MAST4: variants seen among roughly 807,000 people sequenced by gnomAD.
MAST4 encodes the protein microtubule-associated serine/threonine-protein kinase 4.
In MAST4, 89 loss-of-function variants were observed where a neutral mutation model predicts 162.7. The observed-to-expected ratio is 0.55, with a 90% CI of 0.46 to 0.65. The LOEUF (loss-of-function observed/expected upper bound fraction) is 0.65, where lower values mean the gene tolerates loss of function less well. Among genes scored for constraint, MAST4 ranks in the 30% least tolerant of loss-of-function variants. MAST4 has a pLI of 0.00. For synonymous variants in MAST4, 1,479 were observed against 1,361.1 expected (o/e 1.09, Z -1.91); for missense variants, 3,153 against 3,374.0 (o/e 0.93, Z 1.62).
chr5:66,987,688 C>T (rs1219263413), intron 4 of MAST4, among the ~76,000 whole-genome samples: 6 of 151,764 alleles, frequency 4.0e-5, no homozygotes, highest in East Asian at 3.9e-4. Flanking sequence ...TATTTCAAGC[C>T]GTACAGATCA....
chr5:66,649,900 T>C (rs189011092), intron 1 of MAST4, among the ~76,000 whole-genome samples: 12 of 152,280 alleles, frequency 7.9e-5, no homozygotes, highest in African/African-American at 2.6e-4. Context: ...CATACACTGC[T>C]ATTTGGGGCA....
intron 1 of MAST4, among the ~76,000 whole-genome samples, chr5:66,691,958 A>T (rs148766621): frequency 4.6e-5 from 7 of 152,084 alleles, no homozygotes; most frequent in Non-Finnish European, 1.0e-4. Context: ...TTTTATTTTG[A>T]TTCTCCCCAG....
chr5:66,724,263 A>C (rs1483161589), intron 1 of MAST4, among the ~76,000 whole-genome samples: 5 of 152,138 alleles, frequency 3.3e-5, no homozygotes, highest in Admixed American at 2.0e-4. Context: ...GTTGATTTAA[A>C]AATACACTTA....
At chr5:67,161,460 T>C (rs1278878008) in intron 27 of MAST4, among the ~76,000 whole-genome samples, 1 of 152,054 alleles carries the variant, frequency 6.6e-6, no homozygotes, top group Non-Finnish European at 1.5e-5. Flanking sequence ...TTGGGAAGAA[T>C]AGAAAAGGGG....
At chr5:66,831,087 G>A (rs1453806015) in intron 3 of MAST4, among the ~76,000 whole-genome samples, 2 of 151,980 alleles carry the variant, frequency 1.3e-5, no homozygotes, top group Non-Finnish European at 1.5e-5. Flanking sequence ...TAAAGTTAAG[G>A]GTCATATAAT....
intron 1 of MAST4, among the ~76,000 whole-genome samples, chr5:66,607,090 A>G (rs1221366559): frequency 6.6e-6 from 1 of 152,154 alleles, no homozygotes; most frequent in Non-Finnish European, 1.5e-5. Flanking sequence ...CATACAAGTG[A>G]GGAGGAGAAT....
At chr5:66,883,277 T>C (rs935747681) in intron 3 of MAST4, among the ~76,000 whole-genome samples, 1 of 152,178 alleles carries the variant, frequency 6.6e-6, no homozygotes, top group Admixed American at 6.5e-5. Context: ...AGCAGTGGTC[T>C]CTTGTGATTA....
At chr5:66,716,325 TC>T (rs1750834804) in intron 1 of MAST4, among the ~76,000 whole-genome samples, 3 of 146,932 alleles carry the variant, frequency 2.0e-5, no homozygotes, top group Admixed American at 6.6e-5. Flanking sequence ...TTAGATTTGA[TC>T]TCTCTCTCTA....
At chr5:66,836,003 C>G (rs1757941623) in intron 3 of MAST4, among the ~76,000 whole-genome samples, 1 of 151,864 alleles carries the variant, frequency 6.6e-6, no homozygotes, top group African/African-American at 2.4e-5. Context: ...AAACTTGTCT[C>G]TATAAAAAAA....
chr5:67,098,857 G>A (rs1482911175), intron 7 of MAST4, among the ~76,000 whole-genome samples: 1 of 152,152 alleles, frequency 6.6e-6, no homozygotes, highest in Non-Finnish European at 1.5e-5. Context: ...ACCAGCAACA[G>A]TGGGGCCAGC....
intron 4 of MAST4, among the ~76,000 whole-genome samples, chr5:66,987,161 T>C (rs759517535): frequency 3.3e-5 from 5 of 152,220 alleles, no homozygotes; most frequent in Non-Finnish European, 7.3e-5. Flanking sequence ...GTAAAGTTTA[T>C]GTGAAAGAAA....
At chr5:66,926,556 CTT>C (rs199825594) in intron 4 of MAST4, among the ~76,000 whole-genome samples, 44,570 of 135,424 alleles carry the variant, frequency 0.33, 7,812 homozygotes, top group Non-Finnish European at 0.44. Flanking sequence ...CTCTTTCTCT[CTT>C]TCTCTCTCTA....
chr5:66,917,084 A>G, intron 4 of MAST4: 2 of 715,714 alleles, frequency 2.8e-6, no homozygotes, highest in Non-Finnish European at 5.2e-6. Flanking sequence ...ACCTTCACCC[A>G]TAAGAATGCC....
chr5:66,974,003 A>T (rs1040925729), intron 4 of MAST4, among the ~76,000 whole-genome samples: 1 of 152,114 alleles, frequency 6.6e-6, no homozygotes, highest in Non-Finnish European at 1.5e-5. Context: ...CTGGCACAGG[A>T]TGTTCTAGCT....
intron 3 of MAST4, among the ~76,000 whole-genome samples, chr5:66,845,087 A>ATATT (rs1485747749): frequency 1.3e-3 from 21 of 15,934 alleles, no homozygotes; most frequent in Admixed American, 2.7e-3. Flanking sequence ...ACTAATCTTT[A>ATATT]TATATATATA....
At chr5:66,817,486 C>T (rs1019057819) in intron 3 of MAST4, among the ~76,000 whole-genome samples, 3 of 152,156 alleles carry the variant, frequency 2.0e-5, no homozygotes, top group African/African-American at 7.2e-5. Context: ...AGCCTATGTT[C>T]AATAAAGCTC....
chr5:66,800,696 T>G (rs1755875772), intron 3 of MAST4, among the ~76,000 whole-genome samples: 2 of 152,034 alleles, frequency 1.3e-5, no homozygotes, highest in Admixed American at 6.5e-5. Context: ...AACTTAAAAG[T>G]TAAAAAACAC....
chr5:67,110,193 G>A lies in MAST4; in HGVS notation c.1452G>A (p.Glu484=). The change falls in exon 11 of 29, where the codon GAG becomes GAA. Residue 484 remains glutamate (E), a synonymous_variant. Transcript: ENST00000403625. The part of the protein sequence containing the change: ...IVIARPARLL[E]CLEFDPEEFY... The stretch of plus-strand genomic sequence containing the variant: ...TTGCCCGCCCTGCTCGGTTATTAGA[G>A]TGCCTGGTAAGTTGCCCCTTGATGT... The A allele has an allele frequency of 6.2e-7, 1 of 1,612,042 alleles. No homozygotes were observed. The highest frequency in any genetic ancestry group is 8.5e-7 in the Non-Finnish European group (1 of 1,178,166).
At chr5:66,657,390 C>T (rs1398421850) in intron 1 of MAST4, among the ~76,000 whole-genome samples, 3 of 152,314 alleles carry the variant, frequency 2.0e-5, no homozygotes, top group South Asian at 2.1e-4. Context: ...GGACAATACC[C>T]AGAGACCCCT....
Sources: gnomAD v4.1 joint callset for allele counts (sites outside exome capture counted in the v4.1 genomes callset) on GRCh38, gnomAD v4.1.1 for gene constraint, MANE v1.5 for transcripts, NCBI Gene and HGNC (gene_info 2026-07-23, HGNC 2026-07-21) for gene names.